The following GLYR1 variants were observed in gnomAD, a reference collection of about 807,000 sequenced individuals.
GLYR1 encodes glyoxylate reductase 1 homolog.
GLYR1 carries 21 observed loss-of-function variants against 72.7 expected under a neutral mutation model. The ratio of observed to expected loss-of-function variants is 0.29; its 90% CI spans 0.20 to 0.42. The LOEUF (loss-of-function observed/expected upper bound fraction) is 0.42, where lower values mean the gene tolerates loss of function less well. Among genes scored for constraint, GLYR1 ranks in the 10% least tolerant of loss-of-function variants. GLYR1 has a pLI of 1.00. For missense variants in GLYR1, 594 were observed against 712.1 expected (o/e 0.83, Z 1.89); for synonymous variants, 392 against 270.2 (o/e 1.45, Z -4.42).
chr16:4,824,010 A>G, intron 5 of GLYR1, 103 bp from the exon 6 acceptor site: 1 of 845,168 alleles, frequency 1.2e-6, no homozygotes. Context: ...ATCCCCAACC[A>G]CTGTTCTGAT....
intron 15 of GLYR1, among the ~76,000 whole-genome samples, chr16:4,806,749 G>C (rs890890357): frequency 6.6e-5 from 10 of 151,626 alleles, no homozygotes; most frequent in African/African-American, 2.4e-4. Flanking sequence ...ACTAAAAAAA[G>C]AATGCAGAGG....
chr16:4,821,850 T>G (rs978019923), intron 7 of GLYR1, among the ~76,000 whole-genome samples: 3 of 152,184 alleles, frequency 2.0e-5, no homozygotes, highest in Non-Finnish European at 2.9e-5. Flanking sequence ...CCCACATCTA[T>G]CCAACTCCAA....
At chr16:4,816,046 G>C (rs1017900673) in intron 10 of GLYR1, among the ~76,000 whole-genome samples, 1 of 152,168 alleles carries the variant, frequency 6.6e-6, no homozygotes, top group African/African-American at 2.4e-5. Context: ...TGGGATTATA[G>C]GCATGAGCCA....
At chr16:4,821,301 A>C in intron 9 of GLYR1, 79 bp downstream of exon 9, 7 of 1,453,064 alleles carry the variant, frequency 4.8e-6, no homozygotes, top group African/African-American at 1.4e-5. Context: ...ACAACCCTTA[A>C]AGAACCCCCC....
At chr16:4,808,970 T>G (rs1263803456) in intron 15 of GLYR1, among the ~76,000 whole-genome samples, 1 of 151,910 alleles carries the variant, frequency 6.6e-6, no homozygotes, top group Admixed American at 6.6e-5. Context: ...GTCTCAAATA[T>G]AAAAAAAGTG....
intron 15 of GLYR1, among the ~76,000 whole-genome samples, chr16:4,808,267 G>C (rs902966079): frequency 1.3e-5 from 2 of 149,844 alleles, no homozygotes; most frequent in Non-Finnish European, 3.0e-5. Context: ...TACAATTCAG[G>C]AACAGAGAAT....
At chr16:4,835,077 G>A (rs2085046730) in intron 3 of GLYR1, among the ~76,000 whole-genome samples, 1 of 152,126 alleles carries the variant, frequency 6.6e-6, no homozygotes, top group African/African-American at 2.4e-5. Context: ...CTTCTGGTCA[G>A]AAGCTGAGAA....
At chr16:4,822,463 TC>T (rs1479827468) in intron 7 of GLYR1, among the ~76,000 whole-genome samples, 9 of 151,930 alleles carry the variant, frequency 5.9e-5, no homozygotes, top group East Asian at 5.8e-4. Flanking sequence ...CAATCTTGGC[TC>T]ACTGCAACCT....
intron 7 of GLYR1, among the ~76,000 whole-genome samples, chr16:4,821,862 G>A (rs1311064209): frequency 1.3e-5 from 2 of 152,174 alleles, no homozygotes; most frequent in Non-Finnish European, 2.9e-5. Flanking sequence ...CAACTCCAAA[G>A]CCACAAACTC....
At chr16:4,835,186 T>C (rs1026732900) in intron 3 of GLYR1, among the ~76,000 whole-genome samples, 1 of 151,974 alleles carries the variant, frequency 6.6e-6, no homozygotes, top group Non-Finnish European at 1.5e-5. Flanking sequence ...ACCCACGCCA[T>C]CCTGCTACCT....
At chr16:4,827,772 C>G (rs1466467529) in intron 5 of GLYR1, among the ~76,000 whole-genome samples, 2 of 151,908 alleles carry the variant, frequency 1.3e-5, no homozygotes, top group African/African-American at 4.8e-5. Flanking sequence ...TGGTGGCGGG[C>G]ACCTGTAGTC....
Position 4,804,981 on chromosome 16 carries a change from C to A in GLYR1, c.*255G>T. ...TGTGTGTGTGTGTGTGAACACACAG[C>A]CACCTCGTCCGGGGGGCCAGTGCCC... On this transcript the variant is annotated 3_prime_UTR_variant, in exon 16 of 16. Coordinates refer to ENST00000321919, the MANE Select transcript of GLYR1 (RefSeq NM_032569.4). 8 of 486,594 alleles carry A rather than the reference C, an allele frequency of 1.6e-5. No individual in the cohort carries two copies. The highest frequency in any genetic ancestry group is 3.4e-5 in the East Asian group (1 of 29,670). The allele number at this position is 486,594 out of a possible 1,614,324, so 30.1% of individuals were successfully genotyped here.
intron 9 of GLYR1, among the ~76,000 whole-genome samples, chr16:4,820,391 T>C (rs866581395): frequency 6.6e-6 from 1 of 152,190 alleles, no homozygotes; most frequent in African/African-American, 2.4e-5. Context: ...ACAAAACTGG[T>C]TGGTTTTGAT....
At chr16:4,836,988 C>G (rs1567790639) in intron 3 of GLYR1, among the ~76,000 whole-genome samples, 1 of 152,160 alleles carries the variant, frequency 6.6e-6, no homozygotes, top group South Asian at 2.1e-4. Context: ...CCAATTTACC[C>G]TGGTGACCTG....
At chr16:4,835,254 G>A (rs898026078) in intron 3 of GLYR1, among the ~76,000 whole-genome samples, 3 of 152,152 alleles carry the variant, frequency 2.0e-5, no homozygotes, top group Non-Finnish European at 2.9e-5. Context: ...GGAACAGAAA[G>A]GTGAGGATGT....
At chr16:4,835,073 G>C (rs1334202576) in intron 3 of GLYR1, among the ~76,000 whole-genome samples, 3 of 152,114 alleles carry the variant, frequency 2.0e-5, no homozygotes, top group Admixed American at 6.6e-5. Context: ...GGAGCTTCTG[G>C]TCAGAAGCTG....
chr16:4,818,411 C>T (rs2141976706), intron 9 of GLYR1, among the ~76,000 whole-genome samples: 2 of 152,274 alleles, frequency 1.3e-5, no homozygotes, highest in African/African-American at 4.8e-5. Flanking sequence ...CCTTCCCCCT[C>T]AGCCTCCTGG....
intron 15 of GLYR1, among the ~76,000 whole-genome samples, chr16:4,810,478 C>G (rs969644536): frequency 6.6e-6 from 1 of 151,378 alleles, no homozygotes; most frequent in South Asian, 2.1e-4. Flanking sequence ...CCACTGCACT[C>G]CAGCCTGGGC....
chr16:4,827,594 AAC>A (rs2084470381), intron 5 of GLYR1, among the ~76,000 whole-genome samples: 2 of 144,012 alleles, frequency 1.4e-5, no homozygotes, highest in African/African-American at 5.4e-5. Flanking sequence ...TAAAAAAACA[AAC>A]AAACAAACAA....
Sources: allele counts gnomAD v4.1 joint callset (sites outside exome capture counted in the v4.1 genomes callset), GRCh38; gene constraint gnomAD v4.1.1; transcripts MANE v1.5; gene names NCBI Gene and HGNC (gene_info 2026-07-23, HGNC 2026-07-21).